MIER3: variants seen among roughly 807,000 people sequenced by gnomAD.
MIER3 encodes MIER family member 3.
In MIER3, 9 loss-of-function variants were observed where a neutral mutation model predicts 63.2. The observed-to-expected ratio is 0.14, with a 90% CI of 0.09 to 0.25. The LOEUF is 0.25. Ranked by LOEUF, MIER3 falls within the 10% of genes least tolerant of loss-of-function variation. The pLI is 1.00. For synonymous variants in MIER3, 205 were observed against 224.9 expected (o/e 0.91, Z 0.79); for missense variants, 512 against 666.2 (o/e 0.77, Z 2.55).
intron 1 of MIER3, among the ~76,000 whole-genome samples, chr5:56,950,872 G>A (rs1256311309): frequency 6.6e-6 from 1 of 152,144 alleles, no homozygotes; most frequent in Non-Finnish European, 1.5e-5. Flanking sequence ...ACAGACCCGG[G>A]ACGAAGCCCG....
intron 3 of MIER3, among the ~76,000 whole-genome samples, chr5:56,944,398 G>A (rs548734076): frequency 6.6e-6 from 1 of 152,042 alleles, no homozygotes; most frequent in South Asian, 2.1e-4. Context: ...GGAGAATGGC[G>A]TGAATCCGGG....
chr5:56,939,603 G>GA lies in MIER3; in HGVS notation c.181-587dup, dbSNP rs918908332. On this transcript the variant is annotated intron_variant, in intron 3 of 12. Coordinates refer to ENST00000381199, the MANE Select transcript of MIER3 (RefSeq NM_001297599.2). ...ACTGTTATCACCATTTCACAGGTGA[G>GA]AAAACTGTGGCTTAATTCTGGGTTT... 2.5e-4 allele frequency among the ~76,000 whole-genome samples: 38 copies of GA among 152,220 alleles called. No homozygotes were observed. The Middle Eastern group carries it at 0.014, about 55-fold the overall frequency.
At chr5:56,934,807 AG>A (rs912722257) in intron 7 of MIER3, among the ~76,000 whole-genome samples, 7 of 152,172 alleles carry the variant, frequency 4.6e-5, no homozygotes, top group Admixed American at 2.0e-4. Context: ...CTTAGGGAAA[AG>A]GCCAAACACC....
At chr5:56,947,197 T>C in intron 2 of MIER3, 126 bp from the exon 3 acceptor site, 1 of 897,138 alleles carries the variant, frequency 1.1e-6, no homozygotes, top group South Asian at 1.9e-5. Flanking sequence ...ATGAATTTAC[T>C]ATATAATTTA....
intron 9 of MIER3, among the ~76,000 whole-genome samples, 175 bp downstream of exon 9, chr5:56,930,489 C>A (rs937213751): frequency 1.3e-5 from 2 of 152,126 alleles, no homozygotes; most frequent in Admixed American, 6.5e-5. Context: ...TTTGAACAGT[C>A]TCTGATACAT....
At chr5:56,945,349 A>G (rs996467698) in intron 3 of MIER3, among the ~76,000 whole-genome samples, 17 of 151,988 alleles carry the variant, frequency 1.1e-4, no homozygotes, top group Non-Finnish European at 5.9e-5. Context: ...TGTAATCCCA[A>G]CTACTCGGGA....
chr5:56,945,247 G>A (rs1041114749), intron 3 of MIER3, among the ~76,000 whole-genome samples: 44 of 152,186 alleles, frequency 2.9e-4, no homozygotes, highest in African/African-American at 9.2e-4. Flanking sequence ...TGGACTGCCT[G>A]AGGTCAGGAG....
intron 7 of MIER3, among the ~76,000 whole-genome samples, chr5:56,934,663 A>T (rs1284900758): frequency 6.6e-6 from 1 of 152,142 alleles, no homozygotes; most frequent in Non-Finnish European, 1.5e-5. Context: ...CATGGCTAAC[A>T]ACCCCAGGGT....
At chr5:56,931,571 A>G (rs1220611118) in intron 8 of MIER3, among the ~76,000 whole-genome samples, 1 of 152,200 alleles carries the variant, frequency 6.6e-6, no homozygotes, top group Non-Finnish European at 1.5e-5. Flanking sequence ...TTCTAATTTT[A>G]AAAAGAAAAA....
chr5:56,946,915 A>C lies in MIER3; in HGVS notation c.180+11T>G. On this transcript the variant is annotated intron_variant, in intron 3 of 12. Transcript: ENST00000381199. ...CTTTGTTAAGTTTGTATATTAAAGT[A>C]AATCTTATACCTTTTCTAAGTCTTC... is the stretch of plus-strand genomic sequence containing the variant. 6.6e-7 allele frequency: 1 copy of C among 1,517,058 alleles called. No homozygotes were observed. Among genetic ancestry groups the C allele is most frequent in the Non-Finnish European group, 8.8e-7 (1 of 1,131,196 alleles). The allele number at this position is 1,517,058 out of a possible 1,614,324, so 94.0% of individuals were successfully genotyped here. A position where few individuals can be genotyped will look rare whatever the true frequency, so the allele number is the denominator to read the frequency against.
chr5:56,920,824 C>G lies in MIER3; in HGVS notation c.*2304G>C, dbSNP rs962819488. On this transcript the variant is annotated 3_prime_UTR_variant, in exon 13 of 13. Transcript: ENST00000381199. ...AGAATTTACACTTATATACAAAAAT[C>G]TTGCAAATTATTGCCTCATTTTAAC... 1.3e-5 allele frequency: 2 copies of G among 152,410 alleles called. No homozygotes were observed. The highest frequency in any genetic ancestry group is 2.4e-5 in the African/African-American group (1 of 41,436). 9.4% of individuals were successfully genotyped at this position (152,410 alleles called of 1,614,324 possible). A position where few individuals can be genotyped will look rare whatever the true frequency, so the allele number is the denominator to read the frequency against.
At chr5:56,943,203 C>T (rs930335512) in intron 3 of MIER3, among the ~76,000 whole-genome samples, 7 of 151,784 alleles carry the variant, frequency 4.6e-5, no homozygotes, top group South Asian at 4.2e-4. Flanking sequence ...AAAGACTGAA[C>T]GGGAGGGAAG....
chr5:56,929,105 CT>C, intron 9 of MIER3: 1 of 341,442 alleles, frequency 2.9e-6, no homozygotes, highest in Non-Finnish European at 5.3e-6. Context: ...AATATAAACA[CT>C]GCTTTTTTTC....
rs1750266156 is a variant in MIER3, at chr5:56,931,507, TTTCAA to T, written c.748-767_748-763del. Among the ~76,000 whole-genome samples, 3 of 152,252 alleles carry T rather than the reference TTTCAA, an allele frequency of 2.0e-5. No homozygotes were observed. In the South Asian group the frequency reaches 6.2e-4, roughly 32 times the overall value. On this transcript the variant is annotated intron_variant, in intron 8 of 12. Transcript: ENST00000381199. Reference sequence around the variant, plus strand: ...GTGTACCTAAATATGTATAATTAAATTTCAATTTAAAAAAATCAAATCAACAGCTG... The same window carrying T: ...GTGTACCTAAATATGTATAATTAAATTTTAAAAAAATCAAATCAACAGCTG...
At chr5:56,952,128 A>T (rs542246451), upstream of MIER3, 252 of 1,251,152 alleles carry the variant, frequency 2.0e-4, 1 homozygote, top group East Asian at 9.8e-3. Flanking sequence ...GCGAACGAGC[A>T]GCGCCGAGCC....
In MIER3 at chr5:56,925,472, T is replaced by C. The variant is rs535212313; in HGVS notation, c.925-1430A>G. ...CTTTCCTATATAACAGCAATGACGA[T>C]TGAAATTTGAAATTTAAAACACAAG... On this transcript the variant is annotated intron_variant, in intron 10 of 12. Transcript: ENST00000381199. 4.1e-5 allele frequency: 12 copies of C among 289,952 alleles called. 1 individual carries two copies. Among genetic ancestry groups the C allele is most frequent in the South Asian group, 1.5e-4 (5 of 32,324 alleles). The allele number at this position is 289,952 out of a possible 1,614,324, so 18.0% of individuals were successfully genotyped here.
chr5:56,926,434 C>G (rs370717251), intron 10 of MIER3, among the ~76,000 whole-genome samples: 10 of 151,586 alleles, frequency 6.6e-5, no homozygotes, highest in African/African-American at 2.2e-4. Context: ...GGCAAAAAAT[C>G]TGAATGAACA....
chr5:56,946,834 G>C, intron 3 of MIER3, 92 bp downstream of exon 3: 2 of 966,012 alleles, frequency 2.1e-6, no homozygotes. Flanking sequence ...AAAGGATTAT[G>C]ATCCTATTTT....
chr5:56,935,166 C>G (rs1750398314), intron 7 of MIER3, among the ~76,000 whole-genome samples: 1 of 152,078 alleles, frequency 6.6e-6, no homozygotes, highest in South Asian at 2.1e-4. Context: ...GGGAGGCTCC[C>G]CATTATTCGA....
Sources: allele counts gnomAD v4.1 joint callset (sites outside exome capture counted in the v4.1 genomes callset), GRCh38; gene constraint gnomAD v4.1.1; transcripts MANE v1.5; gene names NCBI Gene and HGNC (gene_info 2026-07-23, HGNC 2026-07-21).